The following PRDM16 variants were observed in gnomAD, a reference collection of about 807,000 sequenced individuals.
The protein encoded by PRDM16 is PR/SET domain 16, also known as histone-lysine N-methyltransferase PRDM16.
PRDM16 carries 23 observed loss-of-function variants against 110.6 expected under a neutral mutation model. That is an observed-to-expected ratio of 0.21 (90% CI 0.15 to 0.29). PRDM16 has a LOEUF of 0.29. PRDM16 is among the 10% of genes least tolerant of loss of function. The pLI is 1.00. For missense variants in PRDM16, 1,615 were observed against 1,794.3 expected (o/e 0.90, Z 1.81); for synonymous variants, 799 against 781.8 (o/e 1.02, Z -0.37).
At chr1:3,351,722 T>C (rs1370561415) in intron 3 of PRDM16, among the ~76,000 whole-genome samples, 1 of 47,882 alleles carries the variant, frequency 2.1e-5, no homozygotes. Flanking sequence ...TGTCTCCCCC[T>C]CCCTCTGTCT....
At position 3,076,660 on chromosome 1, in the gene PRDM16, T is replaced by C. The variant is rs116400500; in HGVS notation, c.37+7364T>C. Reference sequence around the variant, plus strand: ...CAGGAAGGAAAGGGCTCAGGAGGCTTAGCTGGAGGCCAGGGGCCAGGGCTG... The same window carrying C: ...CAGGAAGGAAAGGGCTCAGGAGGCTCAGCTGGAGGCCAGGGGCCAGGGCTG... On this transcript the variant is annotated intron_variant, in intron 1 of 16. Transcript: ENST00000270722. Among the ~76,000 whole-genome samples, 994 of 152,282 alleles carry C rather than the reference T, an allele frequency of 6.5e-3. 12 individuals are homozygous for C. The highest frequency in any genetic ancestry group is 0.022 in the African/African-American group (909 of 41,550).
intron 3 of PRDM16, among the ~76,000 whole-genome samples, chr1:3,342,302 G>A (rs1254746025): frequency 6.6e-6 from 1 of 152,242 alleles, no homozygotes; most frequent in Non-Finnish European, 1.5e-5. Context: ...AGTTCCAGGG[G>A]AGGAAAATTA....
chr1:3,345,096 C>G (rs1642336408), intron 3 of PRDM16, among the ~76,000 whole-genome samples: 1 of 152,212 alleles, frequency 6.6e-6, no homozygotes, highest in Admixed American at 6.5e-5. Context: ...CCATCTGTCC[C>G]ATAAGACTGC....
intron 3 of PRDM16, among the ~76,000 whole-genome samples, chr1:3,295,545 G>C (rs935993183): frequency 6.6e-6 from 1 of 152,212 alleles, no homozygotes; most frequent in Non-Finnish European, 1.5e-5. Context: ...GCACATGTGC[G>C]GGGTGAACAA....
rs2100231045 is a variant in PRDM16, at chr1:3,255,095, G to T, written c.438+10958G>T. On this transcript the variant is annotated intron_variant, in intron 3 of 16. Transcript: ENST00000270722. This position sits in a 1 kb window ranked among gnomAD's most constrained non-coding sequence, Gnocchi z 4.7. ...TTAATAAATGGTGCTGGGAAAACTG[G>T]CTAGCCATATGTAGAAAGCTGAAAC... is the stretch of plus-strand genomic sequence containing the variant. Among the ~76,000 whole-genome samples the T allele has an allele frequency of 6.6e-6, 1 of 152,066 alleles. No individual in the cohort carries two copies.
At chr1:3,287,313 G>A (rs1352295063) in intron 3 of PRDM16, among the ~76,000 whole-genome samples, 8 of 138,272 alleles carry the variant, frequency 5.8e-5, no homozygotes, top group African/African-American at 1.1e-4. Context: ...CGGGGCTGGA[G>A]CCGCCCCGCC....
intron 3 of PRDM16, among the ~76,000 whole-genome samples, chr1:3,313,740 G>A (rs546053849): frequency 2.6e-5 from 4 of 152,286 alleles, no homozygotes; most frequent in East Asian, 3.9e-4. Flanking sequence ...CTGCCCCGGC[G>A]GGCCTGGGAT....
chr1:3,384,077 G>C (rs1643154942), intron 3 of PRDM16, among the ~76,000 whole-genome samples: 1 of 149,248 alleles, frequency 6.7e-6, no homozygotes, highest in East Asian at 2.0e-4. Context: ...TGACCCACCT[G>C]CCTGCCAGGA....
chr1:3,199,707 C>T (rs545263081), intron 2 of PRDM16, among the ~76,000 whole-genome samples: 126 of 152,318 alleles, frequency 8.3e-4, no homozygotes, highest in African/African-American at 2.9e-3. Context: ...GGCTGAGAAG[C>T]GCAAGTCTTG....
intron 3 of PRDM16, among the ~76,000 whole-genome samples, chr1:3,252,313 C>A (rs1049777023): frequency 1.3e-5 from 2 of 152,214 alleles, no homozygotes; most frequent in African/African-American, 4.8e-5. Flanking sequence ...GGGGGCTGGG[C>A]TCTGCAGCTG....
intron 2 of PRDM16, among the ~76,000 whole-genome samples, chr1:3,241,733 C>T (rs78161893): frequency 1.1e-4 from 17 of 152,358 alleles, no homozygotes; most frequent in African/African-American, 4.1e-4. Context: ...CACCCGGACG[C>T]TCGGAGGGCA....
At position 3,434,033 on chromosome 1, in the gene PRDM16, A is replaced by G; in HGVS notation, c.*222A>G. ...ATCTCCAAGGATTGGTCTTGAGAAC[A>G]CTGTTCAGTGACGGCCATGCAGGTG... On this transcript the variant is annotated 3_prime_UTR_variant, in exon 17 of 17. Coordinates refer to ENST00000270722, the MANE Select transcript of PRDM16 (RefSeq NM_022114.4). 2 of 539,398 alleles carry G rather than the reference A, an allele frequency of 3.7e-6. No individual in the cohort carries two copies. Among genetic ancestry groups the G allele is most frequent in the South Asian group, 4.8e-5 (2 of 41,936 alleles). The allele number at this position is 539,398 out of a possible 1,614,324, so 33.4% of individuals were successfully genotyped here.
At chr1:3,161,176 G>A (rs1013450666) in intron 1 of PRDM16, among the ~76,000 whole-genome samples, 2 of 152,206 alleles carry the variant, frequency 1.3e-5, no homozygotes, top group African/African-American at 4.8e-5. Context: ...AGGAGCCAGC[G>A]CGGAAAGTTC....
At chr1:3,223,103 C>CT (rs1172383270) in intron 2 of PRDM16, among the ~76,000 whole-genome samples, 2,106 of 73,932 alleles carry the variant, frequency 0.028, 26 homozygotes, top group Non-Finnish European at 0.038. Context: ...AAAATCAAGG[C>CT]TTTTTTTTTT....
At chr1:3,297,280 A>ATTTTTT in intron 3 of PRDM16, among the ~76,000 whole-genome samples, 1 of 120,962 alleles carries the variant, frequency 8.3e-6, no homozygotes, top group East Asian at 2.4e-4. Context: ...GGTGAGAGGA[A>ATTTTTT]TTTTTTTTTT....
chr1:3,327,790 G>A (rs988745266), intron 3 of PRDM16, among the ~76,000 whole-genome samples: 2 of 152,174 alleles, frequency 1.3e-5, no homozygotes, highest in Non-Finnish European at 2.9e-5. Context: ...AACCCCACAT[G>A]GGGGTCCCAG....
At chr1:3,089,689 G>C (rs911847587) in intron 1 of PRDM16, among the ~76,000 whole-genome samples, 3 of 152,228 alleles carry the variant, frequency 2.0e-5, no homozygotes, top group African/African-American at 7.2e-5. Flanking sequence ...GGAGCCTCTG[G>C]TCTGGCATTG....
rs778536634 is a variant in PRDM16 at position 3,186,487 on chromosome 1, G to T, written c.387+13G>T. On this transcript the variant is annotated intron_variant, in intron 2 of 16. Transcript: ENST00000270722. ...CTTCGGATGGGAGGTGAGCGATCGC[G>T]CCTGAGTATGATTGATCACGGCCAT... 1.4e-6 allele frequency: 2 copies of T among 1,443,784 alleles called. No individual in the cohort carries two copies. The highest frequency in any genetic ancestry group is 2.8e-5 in the African/African-American group (2 of 70,312). The allele number at this position is 1,443,784 out of a possible 1,614,324, so 89.4% of individuals were successfully genotyped here. A position where few individuals can be genotyped will look rare whatever the true frequency, so the allele number is the denominator to read the frequency against.
chr1:3,429,145 A>G (rs1638698152), intron 14 of PRDM16, among the ~76,000 whole-genome samples: 1 of 152,240 alleles, frequency 6.6e-6, no homozygotes. Context: ...GAGTCTTGGA[A>G]GGAACCCGGC....
Sources: gnomAD v4.1 joint callset for allele counts (sites outside exome capture counted in the v4.1 genomes callset) on GRCh38, gnomAD v4.1.1 for gene constraint, Gnocchi (gnomAD v3.1) non-coding constraint, MANE v1.5 for transcripts, NCBI Gene and HGNC (gene_info 2026-07-23, HGNC 2026-07-21) for gene names.